ADGRD1: variants seen among roughly 807,000 people sequenced by gnomAD.
ADGRD1 encodes G-protein coupled receptor 133.
ADGRD1 carries 77 observed loss-of-function variants against 113.4 expected under a neutral mutation model. The ratio of observed to expected loss-of-function variants is 0.68; its 90% CI spans 0.57 to 0.82. The LOEUF (loss-of-function observed/expected upper bound fraction) is 0.82, where lower values mean the gene tolerates loss of function less well. Ranked by LOEUF, ADGRD1 falls within the 40% of genes least tolerant of loss-of-function variation. ADGRD1 has a pLI of 0.00. For synonymous variants in ADGRD1, 474 were observed against 475.0 expected (o/e 1.00, Z 0.03); for missense variants, 1,036 against 1,139.1 (o/e 0.91, Z 1.30).
At chr12:131,023,049 C>G (rs1879507707) in intron 13 of ADGRD1, 1 of 152,104 alleles carries the variant, frequency 6.6e-6, no homozygotes, top group Non-Finnish European at 1.5e-5. Context: ...TCATTATTCT[C>G]AATAATTTTA....
At chr12:130,979,395 G>A (rs192505323) in intron 4 of ADGRD1, among the ~76,000 whole-genome samples, 68 of 152,288 alleles carry the variant, frequency 4.5e-4, no homozygotes, top group African/African-American at 1.5e-3. Flanking sequence ...AACTCACAAA[G>A]GTATAGTTGT....
chr12:131,040,976 T>C (rs1037117091), intron 13 of ADGRD1, among the ~76,000 whole-genome samples: 2 of 152,196 alleles, frequency 1.3e-5, no homozygotes, highest in African/African-American at 4.8e-5. Context: ...TGACCTGCTG[T>C]GTGGCAGGAC....
chr12:131,131,540 G>C (rs186556338), intron 20 of ADGRD1, among the ~76,000 whole-genome samples, 185 bp from the exon 21 acceptor site: 3 of 152,344 alleles, frequency 2.0e-5, no homozygotes, highest in East Asian at 1.9e-4. Flanking sequence ...AGGCAAGCTT[G>C]CATGTTGTGT....
chr12:131,121,372 T>A (rs1950589303), intron 20 of ADGRD1, among the ~76,000 whole-genome samples: 2 of 151,766 alleles, frequency 1.3e-5, no homozygotes, highest in Non-Finnish European at 2.9e-5. Flanking sequence ...CAACTCAGAG[T>A]TTTTTGTTGT....
At chr12:131,004,435 G>A in intron 11 of ADGRD1, 139 bp downstream of exon 11, 1 of 640,000 alleles carries the variant, frequency 1.6e-6, no homozygotes, top group Non-Finnish European at 2.8e-6. Flanking sequence ...CCCCCGGACT[G>A]CCTGTCCTGT....
intron 13 of ADGRD1, chr12:131,023,081 C>T (rs1879514447): frequency 6.6e-6 from 1 of 152,194 alleles, no homozygotes; most frequent in Non-Finnish European, 1.5e-5. Context: ...GTGCTGCACA[C>T]ACAGGTTCAG....
intron 2 of ADGRD1, among the ~76,000 whole-genome samples, chr12:130,964,744 A>G (rs1184603901): frequency 6.6e-6 from 1 of 152,200 alleles, no homozygotes; most frequent in East Asian, 1.9e-4. Context: ...CTGAATTTCC[A>G]TATGTACTTA....
At chr12:131,137,090 A>T (rs2136114178) in intron 23 of ADGRD1, 76 bp downstream of exon 23, 1 of 1,156,710 alleles carries the variant, frequency 8.6e-7, no homozygotes, top group Non-Finnish European at 1.3e-6. Context: ...GAGCAGGAAC[A>T]GCGCTGCCCT....
chr12:131,001,013 A>G (rs1876321488), intron 9 of ADGRD1, among the ~76,000 whole-genome samples: 1 of 152,220 alleles, frequency 6.6e-6, no homozygotes, highest in African/African-American at 2.4e-5. Context: ...AACATGGAAG[A>G]AGGAAATGAT....
At chr12:131,080,856 G>A (rs372627192) in intron 14 of ADGRD1, among the ~76,000 whole-genome samples, 1,776 of 152,242 alleles carry the variant, frequency 0.012, 39 homozygotes, top group African/African-American at 0.039. Flanking sequence ...TCCTGACCTC[G>A]TGATCCGCCC....
At chr12:131,025,973 C>G (rs1879887079) in intron 13 of ADGRD1, 1 of 152,284 alleles carries the variant, frequency 6.6e-6, no homozygotes, top group Admixed American at 6.5e-5. Flanking sequence ...CCACATGCCC[C>G]AGGGCTGCAC....
intron 15 of ADGRD1, among the ~76,000 whole-genome samples, chr12:131,089,152 C>T (rs1034337559): frequency 6.6e-6 from 1 of 152,166 alleles, no homozygotes; most frequent in Non-Finnish European, 1.5e-5. Context: ...CATGTGTGCT[C>T]GTTGGCATGT....
chr12:131,044,544 A>G (rs1057056725), intron 13 of ADGRD1, among the ~76,000 whole-genome samples: 1 of 152,216 alleles, frequency 6.6e-6, no homozygotes, highest in Admixed American at 6.5e-5. Context: ...GTAATTCTGT[A>G]AACATAATTA....
At chr12:131,098,086 G>A (rs943798886) in intron 15 of ADGRD1, among the ~76,000 whole-genome samples, 5 of 30,782 alleles carry the variant, frequency 1.6e-4, no homozygotes, top group African/African-American at 1.9e-4. Context: ...AGTTTCTGCT[G>A]GTGGCCCGGC....
chr12:130,971,800 C>T lies in ADGRD1; in HGVS notation c.310+220C>T, dbSNP rs1268498436. On this transcript the variant is annotated intron_variant, in intron 4 of 24. Transcript: ENST00000261654. The surrounding 1 kb of genome is among the most constrained non-coding windows in gnomAD (Gnocchi z 4.2). ...GGCTGGAAGTTATAACATCCTCTTACAGAGATGTGAGATCAAAATACTTAA... is the reference window on the plus strand; with the variant it reads ...GGCTGGAAGTTATAACATCCTCTTATAGAGATGTGAGATCAAAATACTTAA... 4.6e-5 allele frequency among the ~76,000 whole-genome samples: 7 copies of T among 152,102 alleles called. No individual in the cohort carries two copies. Among genetic ancestry groups the T allele is most frequent in the Admixed American group, 1.3e-4 (2 of 15,268 alleles).
chr12:130,980,410 T>G (rs962779591), intron 4 of ADGRD1, among the ~76,000 whole-genome samples: 12 of 148,918 alleles, frequency 8.1e-5, no homozygotes, highest in African/African-American at 2.5e-4. Flanking sequence ...GGACCCTCTT[T>G]TTTTTGAGAC....
At chr12:131,053,052 G>T (rs955708713) in intron 13 of ADGRD1, among the ~76,000 whole-genome samples, 1 of 152,260 alleles carries the variant, frequency 6.6e-6, no homozygotes, top group Admixed American at 6.5e-5. Context: ...CTGCCATACA[G>T]TGGGGCCAAA....
chr12:131,077,925 A>G (rs1885767929), intron 14 of ADGRD1, among the ~76,000 whole-genome samples: 1 of 152,144 alleles, frequency 6.6e-6, no homozygotes, highest in Non-Finnish European at 1.5e-5. Flanking sequence ...AGATTATTAT[A>G]TGAACTGTCC....
intron 8 of ADGRD1, among the ~76,000 whole-genome samples, chr12:130,999,467 C>A (rs1876058534): frequency 2.0e-5 from 3 of 152,202 alleles, no homozygotes; most frequent in Admixed American, 1.3e-4. Flanking sequence ...TAAAGATAAA[C>A]AAATGCATGA....
Sources: gnomAD v4.1 joint callset for allele counts (sites outside exome capture counted in the v4.1 genomes callset) on GRCh38, gnomAD v4.1.1 for gene constraint, Gnocchi (gnomAD v3.1) non-coding constraint, MANE v1.5 for transcripts, NCBI Gene and HGNC (gene_info 2026-07-23, HGNC 2026-07-21) for gene names.